The following CNTNAP2 variants were observed in gnomAD, a reference collection of about 807,000 sequenced individuals.
The protein encoded by CNTNAP2 is contactin associated protein 2, also known as contactin-associated protein-like 2.
A neutral mutation model predicts 155.2 loss-of-function variants in CNTNAP2; 98 were observed. The ratio of observed to expected loss-of-function variants is 0.63; its 90% CI spans 0.54 to 0.75. The LOEUF (loss-of-function observed/expected upper bound fraction) is 0.75. CNTNAP2 is among the 30% of genes least tolerant of loss of function. The pLI is 0.00. For missense variants in CNTNAP2, 1,727 were observed against 1,688.1 expected, an observed-to-expected ratio of 1.02 and a Z score of -0.40; for synonymous variants, 651 against 631.2, an observed-to-expected ratio of 1.03 and a Z score of -0.47.
intron 15 of CNTNAP2, among the ~76,000 whole-genome samples, chr7:148,054,227 C>T (rs1183770448): frequency 1.3e-5 from 2 of 152,128 alleles, no homozygotes; most frequent in African/African-American, 4.8e-5. Flanking sequence ...CCGCCTCGGC[C>T]TCCCATAGTG....
intron 13 of CNTNAP2, among the ~76,000 whole-genome samples, chr7:147,753,292 T>A (rs1048228056): frequency 6.6e-6 from 1 of 152,198 alleles, no homozygotes; most frequent in Non-Finnish European, 1.5e-5. Flanking sequence ...AGACTCTACC[T>A]GTCACTATGC....
At chr7:146,925,366 T>C (rs1272415694) in intron 3 of CNTNAP2, among the ~76,000 whole-genome samples, 1 of 152,084 alleles carries the variant, frequency 6.6e-6, no homozygotes, top group Non-Finnish European at 1.5e-5. Flanking sequence ...TGTTGGACAT[T>C]ATTATTAAGA....
intron 22 of CNTNAP2, among the ~76,000 whole-genome samples, chr7:148,397,095 C>CACATGTGGTAGGCAAAGTGG (rs1799485916): frequency 6.6e-6 from 1 of 152,096 alleles, no homozygotes; most frequent in South Asian, 2.1e-4. Context: ...CTGGAATGGC[C>CACATGTGGTAGGCAAAGTGG]ACATGTGGTA....
intron 13 of CNTNAP2, among the ~76,000 whole-genome samples, chr7:147,698,728 T>C (rs1420611103): frequency 6.6e-6 from 1 of 152,168 alleles, no homozygotes; most frequent in Non-Finnish European, 1.5e-5. Flanking sequence ...ACTCAGCTAA[T>C]TTTTGTATCT....
chr7:146,159,465 G>A (rs1202936493), intron 1 of CNTNAP2, among the ~76,000 whole-genome samples: 2 of 152,228 alleles, frequency 1.3e-5, no homozygotes, highest in East Asian at 3.9e-4. Context: ...AAAGAGTCAA[G>A]ACCCATCAGT....
chr7:147,909,548 G>T (rs193019457), intron 14 of CNTNAP2, among the ~76,000 whole-genome samples: 1 of 152,086 alleles, frequency 6.6e-6, no homozygotes, highest in Non-Finnish European at 1.5e-5. Flanking sequence ...GAAGTTTTGC[G>T]CAGTTATTTC....
intron 3 of CNTNAP2, among the ~76,000 whole-genome samples, chr7:146,905,492 A>G (rs1796101452): frequency 6.6e-6 from 1 of 152,076 alleles, no homozygotes; most frequent in African/African-American, 2.4e-5. Flanking sequence ...TTGGAGTAAA[A>G]TTCTTTGATC....
At chr7:147,432,040 C>G (rs147837902) in intron 10 of CNTNAP2, among the ~76,000 whole-genome samples, 5 of 152,286 alleles carry the variant, frequency 3.3e-5, no homozygotes, top group Non-Finnish European at 7.4e-5. Flanking sequence ...GAAATCTGAC[C>G]TGCGCCCCTT....
intron 1 of CNTNAP2, among the ~76,000 whole-genome samples, chr7:146,448,511 GTT>G (rs529624989): frequency 3.5e-5 from 5 of 143,690 alleles, no homozygotes; most frequent in African/African-American, 1.3e-4. Flanking sequence ...CTTTGTTTTT[GTT>G]TTTTTTTTAT....
intron 2 of CNTNAP2, among the ~76,000 whole-genome samples, chr7:146,787,437 G>A (rs1802593746): frequency 6.6e-6 from 1 of 152,146 alleles, no homozygotes; most frequent in Non-Finnish European, 1.5e-5. Context: ...GCTGACTTCA[G>A]GAATGAAGCT....
intron 1 of CNTNAP2, among the ~76,000 whole-genome samples, chr7:146,339,824 A>T (rs968053607): frequency 2.0e-5 from 3 of 151,824 alleles, no homozygotes; most frequent in South Asian, 2.1e-4. Flanking sequence ...CAGTCTAATT[A>T]AAAAAAACCA....
chr7:147,628,988 T>G (rs949557848), intron 12 of CNTNAP2, among the ~76,000 whole-genome samples: 1 of 151,732 alleles, frequency 6.6e-6, no homozygotes, highest in Admixed American at 6.6e-5. Flanking sequence ...CCCAAATTTA[T>G]AAGGGAATTA....
At chr7:146,338,375 C>T (rs1193343216) in intron 1 of CNTNAP2, among the ~76,000 whole-genome samples, 4 of 151,962 alleles carry the variant, frequency 2.6e-5, no homozygotes, top group Non-Finnish European at 5.9e-5. Context: ...GAGACCTGCA[C>T]GTATTTAAAT....
At chr7:147,713,549 T>A (rs185285358) in intron 13 of CNTNAP2, among the ~76,000 whole-genome samples, 1 of 152,312 alleles carries the variant, frequency 6.6e-6, no homozygotes, top group Admixed American at 6.5e-5. Context: ...ATTTACCGGT[T>A]GGAGAACGTT....
chr7:147,599,446 G>A (rs1203315873), intron 12 of CNTNAP2, among the ~76,000 whole-genome samples: 3 of 141,224 alleles, frequency 2.1e-5, no homozygotes, highest in Admixed American at 7.5e-5. Flanking sequence ...TGGCACCATT[G>A]CACTCCAGCC....
At chr7:147,308,598 A>C (rs1584861991) in intron 9 of CNTNAP2, among the ~76,000 whole-genome samples, 1 of 152,102 alleles carries the variant, frequency 6.6e-6, no homozygotes, top group Admixed American at 6.5e-5. Context: ...ACTGTTTTAC[A>C]CTTTCTCCTT....
intron 1 of CNTNAP2, among the ~76,000 whole-genome samples, chr7:146,293,926 AG>A (rs1402621962): frequency 6.6e-6 from 1 of 152,094 alleles, no homozygotes; most frequent in African/African-American, 2.4e-5. Flanking sequence ...GTGGAGTTGG[AG>A]GGGCTGCCTT....
Position 147,442,073 on chromosome 7 carries a change from C to A in CNTNAP2, c.1671-43862C>A, listed in dbSNP as rs77227845. Reference sequence around the variant, plus strand: ...CAGCAGGGGGCAAAACCATCTAGGACTGTGTCCTTCACTTCAGGGTTGCAA... The same window carrying A: ...CAGCAGGGGGCAAAACCATCTAGGAATGTGTCCTTCACTTCAGGGTTGCAA... On this transcript the variant is annotated intron_variant, in intron 10 of 23. Transcript: ENST00000361727. 8.8e-3 allele frequency among the ~76,000 whole-genome samples: 1,334 copies of A among 152,218 alleles called. 23 individuals are homozygous for A. Among genetic ancestry groups the A allele is most frequent in the African/African-American group, 0.031 (1,274 of 41,538 alleles).
intron 1 of CNTNAP2, among the ~76,000 whole-genome samples, chr7:146,655,413 CAAAAA>C (rs66710703): frequency 5.4e-5 from 4 of 74,302 alleles, no homozygotes; most frequent in African/African-American, 1.6e-4. Context: ...GACTCTGTCT[CAAAAA>C]AAAAAAAAAA....
Sources: gnomAD v4.1 joint callset for allele counts (sites outside exome capture counted in the v4.1 genomes callset) on GRCh38, gnomAD v4.1.1 for gene constraint, MANE v1.5 for transcripts, NCBI Gene and HGNC (gene_info 2026-07-23, HGNC 2026-07-21) for gene names.